The following TEK variants were observed in gnomAD, a reference collection of about 807,000 sequenced individuals.
The protein encoded by TEK is angiopoietin-1 receptor.
TEK carries 43 observed loss-of-function variants against 131.8 expected under a neutral mutation model. That is an observed-to-expected ratio of 0.33 (90% confidence interval 0.26 to 0.42). The LOEUF (loss-of-function observed/expected upper bound fraction) is 0.42. Ranked by LOEUF, TEK falls within the 10% of genes least tolerant of loss-of-function variation. The pLI, the probability that TEK is intolerant of heterozygous loss-of-function variation, is 1.00. For missense variants in TEK, 1,162 were observed against 1,384.4 expected (o/e 0.84, Z 2.55); for synonymous variants, 580 against 491.6 (o/e 1.18, Z -2.38).
At chr9:27,190,388 G>A in intron 9 of TEK, 141 bp from the exon 10 acceptor site, 1 of 918,802 alleles carries the variant, frequency 1.1e-6, no homozygotes, top group African/African-American at 1.7e-5. Flanking sequence ...AGCTTAGAGA[G>A]CAGGTGATCT....
At chr9:27,144,377 A>G (rs1325879710) in intron 1 of TEK, among the ~76,000 whole-genome samples, 1 of 152,206 alleles carries the variant, frequency 6.6e-6, no homozygotes, top group East Asian at 1.9e-4. Flanking sequence ...GTTTGGAATG[A>G]TGTTACTGCC....
intron 21 of TEK, among the ~76,000 whole-genome samples, chr9:27,227,900 T>A (rs1471671977): frequency 6.6e-6 from 1 of 152,184 alleles, no homozygotes; most frequent in Non-Finnish European, 1.5e-5. Flanking sequence ...ACTAACATTT[T>A]GAAATATGCA....
intron 7 of TEK, among the ~76,000 whole-genome samples, chr9:27,181,316 CTG>C (rs1406935901): frequency 6.6e-6 from 1 of 152,002 alleles, no homozygotes; most frequent in Non-Finnish European, 1.5e-5. Flanking sequence ...CACAGTTTGT[CTG>C]TGAGTTTTTT....
intron 13 of TEK, 44 bp downstream of exon 13, chr9:27,203,163 C>A (rs1191695482): frequency 1.9e-6 from 3 of 1,604,326 alleles, no homozygotes; most frequent in South Asian, 1.1e-5. Flanking sequence ...ACCGTGCAGC[C>A]CTATAGGCAG....
chr9:27,196,762 CTTTTTTT>C lies in TEK; in HGVS notation c.1625-536_1625-530del, dbSNP rs367911024. 3.4e-4 allele frequency among the ~76,000 whole-genome samples: 34 copies of C among 99,290 alleles called. No individual in the cohort carries two copies. In the South Asian group the frequency reaches 7.4e-3, roughly 22 times the overall value. 65.1% of individuals were successfully genotyped at this position (99,290 alleles called of 152,430 possible). On this transcript the variant is annotated intron_variant, in intron 11 of 22. Transcript: ENST00000380036. Reference sequence around the variant, plus strand: ...GAGTGAGGGGGGGCGGTGCTATACACTTTTTTTTTTTTTTTTTTTTTTTACTGTTTCA... The same window carrying C: ...GAGTGAGGGGGGGCGGTGCTATACACTTTTTTTTTTTTTTTTACTGTTTCA...
intron 11 of TEK, among the ~76,000 whole-genome samples, chr9:27,195,126 G>A (rs2131192016): frequency 6.6e-6 from 1 of 152,242 alleles, no homozygotes; most frequent in Non-Finnish European, 1.5e-5. Flanking sequence ...AAACTTCAGA[G>A]GTTAACAAGA....
At chr9:27,210,017 G>T (rs1037033612) in intron 16 of TEK, among the ~76,000 whole-genome samples, 1 of 152,144 alleles carries the variant, frequency 6.6e-6, no homozygotes, top group Non-Finnish European at 1.5e-5. Context: ...AAACTTGACA[G>T]CCTCTTGTTG....
At chr9:27,119,957 T>TA (rs1821719894) in intron 1 of TEK, among the ~76,000 whole-genome samples, 13 of 152,300 alleles carry the variant, frequency 8.5e-5, no homozygotes, top group African/African-American at 3.1e-4. Flanking sequence ...TCCCCCCATT[T>TA]CAGCACATAT....
intron 21 of TEK, among the ~76,000 whole-genome samples, chr9:27,222,626 G>A (rs1276828631): frequency 6.6e-6 from 1 of 152,054 alleles, no homozygotes; most frequent in Non-Finnish European, 1.5e-5. Context: ...CTACATAACT[G>A]AAGGAGAAAT....
At chr9:27,142,638 A>G (rs1822768584) in intron 1 of TEK, among the ~76,000 whole-genome samples, 1 of 152,252 alleles carries the variant, frequency 6.6e-6, no homozygotes, top group African/African-American at 2.4e-5. Flanking sequence ...TCGTGTTTCT[A>G]CTGGGATGAT....
At position 27,109,275 on chromosome 9, in the gene TEK, A is replaced by G. The variant is rs2131017471; in HGVS notation, c.-316A>G. On this transcript the variant is annotated 5_prime_UTR_variant, in exon 1 of 23. Transcript: ENST00000380036. ...GCAGCAGCAGAAGCAACAGCAACAG[A>G]TAAGTGTTTTGATGAATTGCGAGAT... 3.8e-6 allele frequency: 2 copies of G among 530,298 alleles called. No individual in the cohort carries two copies. Among genetic ancestry groups the G allele is most frequent in the Admixed American group, 3.5e-5 (1 of 28,416 alleles). The allele number at this position is 530,298 out of a possible 1,614,324, so 32.8% of individuals were successfully genotyped here.
intron 12 of TEK, among the ~76,000 whole-genome samples, chr9:27,200,763 G>C (rs987411425): frequency 6.6e-6 from 1 of 152,094 alleles, no homozygotes; most frequent in Non-Finnish European, 1.5e-5. Context: ...TAATATATGT[G>C]TGTTATGTTT....
chr9:27,132,413 A>G (rs1822261235), intron 1 of TEK, among the ~76,000 whole-genome samples: 1 of 152,206 alleles, frequency 6.6e-6, no homozygotes, highest in South Asian at 2.1e-4. Context: ...AGAAGAACCC[A>G]TATTTATCAG....
chr9:27,156,939 C>A (rs1823352236), intron 1 of TEK, among the ~76,000 whole-genome samples: 1 of 150,856 alleles, frequency 6.6e-6, no homozygotes, highest in African/African-American at 2.4e-5. Context: ...AGAATAGACA[C>A]AGACTCTATC....
chr9:27,169,754 AT>A, intron 4 of TEK, 125 bp downstream of exon 4: 2 of 1,327,658 alleles, frequency 1.5e-6, no homozygotes, highest in Non-Finnish European at 2.1e-6. Flanking sequence ...TGGAGGTTGT[AT>A]TAGTCTGTTC....
intron 1 of TEK, among the ~76,000 whole-genome samples, chr9:27,110,200 A>T (rs1198046213): frequency 6.8e-6 from 1 of 146,724 alleles, no homozygotes; most frequent in Non-Finnish European, 1.5e-5. Context: ...AGTTAGGGTC[A>T]GGGAGATTGG....
At chr9:27,139,129 C>T (rs111781577) in intron 1 of TEK, among the ~76,000 whole-genome samples, 13 of 144,406 alleles carry the variant, frequency 9.0e-5, no homozygotes, top group African/African-American at 1.0e-4. Context: ...AGGAGAATGG[C>T]GTGAACCTGG....
At chr9:27,154,136 T>TCC (rs1491546266) in intron 1 of TEK, among the ~76,000 whole-genome samples, 1 of 152,182 alleles carries the variant, frequency 6.6e-6, no homozygotes, top group Non-Finnish European at 1.5e-5. Context: ...GCCATTTTTT[T>TCC]CTCTCTCTCT....
intron 12 of TEK, among the ~76,000 whole-genome samples, chr9:27,200,857 G>C (rs1825190409): frequency 6.6e-6 from 1 of 152,154 alleles, no homozygotes; most frequent in East Asian, 1.9e-4. Context: ...GATTATCACA[G>C]TTAACAGATG....
Sources: allele counts gnomAD v4.1 joint callset (sites outside exome capture counted in the v4.1 genomes callset), GRCh38; gene constraint gnomAD v4.1.1; transcripts MANE v1.5; gene names NCBI Gene and HGNC (gene_info 2026-07-23, HGNC 2026-07-21).